The following NPAS3 variants were observed in gnomAD, a reference collection of about 807,000 sequenced individuals.
NPAS3 encodes neuronal PAS domain protein 3, also known as neuronal PAS domain-containing protein 3.
A neutral mutation model predicts 73.1 loss-of-function variants in NPAS3; 14 were observed. The ratio of observed to expected loss-of-function variants is 0.19; its 90% CI spans 0.13 to 0.30. NPAS3 has a LOEUF of 0.30. Ranked by LOEUF, NPAS3 falls within the 10% of genes least tolerant of loss-of-function variation. The probability of loss-of-function intolerance (pLI) is 1.00; values close to 1 mark genes in which losing one functional copy is unlikely to be tolerated. For synonymous variants in NPAS3, 620 were observed against 541.5 expected (o/e 1.14, Z -2.01); for missense variants, 1,096 against 1,250.0 (o/e 0.88, Z 1.86).
intron 3 of NPAS3, among the ~76,000 whole-genome samples, chr14:33,301,306 T>TTTTATATATATATATATATATATATA (rs1555370609): frequency 1.2e-5 from 1 of 81,146 alleles, no homozygotes; most frequent in African/African-American, 6.4e-5. Context: ...GGTTTTATCA[T>TTTTATATATATATATATATATATATA]TATATATATA....
At chr14:33,318,977 G>T (rs1224222865) in intron 3 of NPAS3, among the ~76,000 whole-genome samples, 1 of 152,072 alleles carries the variant, frequency 6.6e-6, no homozygotes, top group Non-Finnish European at 1.5e-5. Context: ...CGTCTCTTCA[G>T]TTAACAGTGA....
At chr14:33,206,213 T>C (rs1036548851) in intron 2 of NPAS3, among the ~76,000 whole-genome samples, 4 of 152,188 alleles carry the variant, frequency 2.6e-5, no homozygotes, top group African/African-American at 9.6e-5. Context: ...ATAGCGGCAA[T>C]ATTGCACATT....
chr14:33,373,246 G>T (rs532334188), intron 4 of NPAS3, among the ~76,000 whole-genome samples: 9 of 152,088 alleles, frequency 5.9e-5, no homozygotes, highest in Non-Finnish European at 1.3e-4. Flanking sequence ...GTTATATAAA[G>T]TTGCAATATT....
intron 4 of NPAS3, among the ~76,000 whole-genome samples, chr14:33,378,590 C>T (rs1042934909): frequency 5.9e-5 from 9 of 152,004 alleles, no homozygotes; most frequent in South Asian, 2.1e-4. Context: ...GAGCCAGGAG[C>T]GTGCCAGTGC....
At chr14:32,970,412 T>C (rs2037369239) in intron 1 of NPAS3, among the ~76,000 whole-genome samples, 1 of 152,178 alleles carries the variant, frequency 6.6e-6, no homozygotes, top group African/African-American at 2.4e-5. Flanking sequence ...CTTACCTTTC[T>C]CAAAGAAGTG....
At chr14:33,185,854 CT>C (rs1263399222) in intron 2 of NPAS3, among the ~76,000 whole-genome samples, 2 of 152,234 alleles carry the variant, frequency 1.3e-5, no homozygotes, top group Middle Eastern at 6.8e-3. Flanking sequence ...ACTGACTAGG[CT>C]TTTTTTCCCC....
intron 6 of NPAS3, among the ~76,000 whole-genome samples, chr14:33,723,368 A>G (rs2061170394): frequency 6.6e-6 from 1 of 152,182 alleles, no homozygotes; most frequent in Admixed American, 6.5e-5. Context: ...TCCCCATTCA[A>G]TTTGGAATTT....
rs150262553 is a variant in NPAS3, at chr14:33,795,616, T to A, written c.1301+1572T>A. On this transcript the variant is annotated intron_variant, in intron 10 of 11. Transcript: ENST00000356141. ...GGGCTAGCAGTGTCTGGCTCCCATGTTGATGAAACATAGATACTGAAGTCA... is the reference window on the plus strand; with the variant it reads ...GGGCTAGCAGTGTCTGGCTCCCATGATGATGAAACATAGATACTGAAGTCA... Among the ~76,000 whole-genome samples, 13 of 152,278 alleles carry A rather than the reference T, an allele frequency of 8.5e-5. No individual in the cohort carries two copies. The East Asian group carries it at 2.5e-3, about 29-fold the overall frequency.
chr14:32,980,149 C>T (rs1229553933), intron 1 of NPAS3, among the ~76,000 whole-genome samples: 1 of 152,090 alleles, frequency 6.6e-6, no homozygotes, highest in African/African-American at 2.4e-5. Context: ...ATGTAAGAAA[C>T]AAGAAGAATT....
intron 4 of NPAS3, among the ~76,000 whole-genome samples, chr14:33,535,047 G>T (rs542006774): frequency 6.6e-6 from 1 of 152,278 alleles, no homozygotes; most frequent in East Asian, 1.9e-4. Context: ...ATTTTGAAAA[G>T]AACTAAAAGT....
At chr14:33,613,740 T>G (rs534191306) in intron 5 of NPAS3, among the ~76,000 whole-genome samples, 1 of 152,334 alleles carries the variant, frequency 6.6e-6, no homozygotes, top group Non-Finnish European at 1.5e-5. Context: ...ACTCTCAATT[T>G]ACCTCTTTGT....
chr14:33,774,969 G>A (rs1002977112), intron 8 of NPAS3, among the ~76,000 whole-genome samples: 2 of 151,942 alleles, frequency 1.3e-5, no homozygotes, highest in East Asian at 3.9e-4. Context: ...GGTCCACAGA[G>A]GAAAAAGGAT....
At chr14:33,469,713 C>T (rs1207247243) in intron 4 of NPAS3, among the ~76,000 whole-genome samples, 1 of 152,070 alleles carries the variant, frequency 6.6e-6, no homozygotes, top group African/African-American at 2.4e-5. Flanking sequence ...CATTCCTGTT[C>T]TGAACACTCT....
intron 2 of NPAS3, among the ~76,000 whole-genome samples, chr14:33,127,396 C>T (rs983056456): frequency 2.6e-5 from 4 of 151,956 alleles, no homozygotes; most frequent in African/African-American, 4.8e-5. Flanking sequence ...CCTTATTTTA[C>T]CTTTAATCTT....
At chr14:33,696,350 G>C (rs1298522628) in intron 6 of NPAS3, among the ~76,000 whole-genome samples, 1 of 152,158 alleles carries the variant, frequency 6.6e-6, no homozygotes, top group African/African-American at 2.4e-5. Context: ...CTTGCCTTAA[G>C]AATGTACTTT....
chr14:33,628,949 G>A (rs1045418413), intron 5 of NPAS3, among the ~76,000 whole-genome samples: 1 of 151,416 alleles, frequency 6.6e-6, no homozygotes, highest in African/African-American at 2.4e-5. Context: ...CAGGTGGAGC[G>A]GGCCGGGCGC....
chr14:33,142,285 C>A (rs572356186), intron 2 of NPAS3, among the ~76,000 whole-genome samples: 1 of 136,572 alleles, frequency 7.3e-6, no homozygotes, highest in Non-Finnish European at 1.5e-5. Flanking sequence ...GAATACTTCC[C>A]TATCCAAACA....
chr14:33,134,366 C>T (rs532862630), intron 2 of NPAS3, among the ~76,000 whole-genome samples: 2 of 152,152 alleles, frequency 1.3e-5, no homozygotes, highest in South Asian at 2.1e-4. Flanking sequence ...CTGTCAACGG[C>T]GCTATCATTT....
intron 3 of NPAS3, among the ~76,000 whole-genome samples, chr14:33,230,907 CT>C (rs1566703628): frequency 6.6e-6 from 1 of 152,116 alleles, no homozygotes; most frequent in Non-Finnish European, 1.5e-5. Flanking sequence ...AAACTGTTAC[CT>C]TTTATGTATA....
Sources: gnomAD v4.1 joint callset for allele counts (sites outside exome capture counted in the v4.1 genomes callset) on GRCh38, gnomAD v4.1.1 for gene constraint, MANE v1.5 for transcripts, NCBI Gene and HGNC (gene_info 2026-07-23, HGNC 2026-07-21) for gene names.